The following FANCA variants were observed in gnomAD, a reference collection of about 807,000 sequenced individuals.
FANCA encodes the protein Fanconi anemia group A protein.
FANCA carries 236 observed loss-of-function variants against 194.3 expected under a neutral mutation model. The observed-to-expected ratio is 1.21, with a 90% CI of 1.09 to 1.35. FANCA has a LOEUF of 1.35. FANCA is among the 40% of genes most tolerant of loss of function. The pLI is 0.00. For synonymous variants in FANCA, 1,014 were observed against 715.8 expected, an observed-to-expected ratio of 1.42 and a Z score of -6.65; for missense variants, 2,628 against 1,813.9, an observed-to-expected ratio of 1.45 and a Z score of -8.15.
intron 35 of FANCA, 126 bp from the exon 36 acceptor site, chr16:89,745,197 GAACTCC>G: frequency 1.2e-6 from 1 of 859,046 alleles, no homozygotes; most frequent in Non-Finnish European, 1.9e-6. Flanking sequence ...CTGCGCTCTG[GAACTCC>G]AAAGCCAGTA....
chr16:89,813,032 CAAAA>C (rs34840110), intron 3 of FANCA, among the ~76,000 whole-genome samples: 2 of 127,062 alleles, frequency 1.6e-5, no homozygotes, highest in South Asian at 2.5e-4. Flanking sequence ...CACTTCGTCT[CAAAA>C]AAAAAAAAAA....
chr16:89,798,604 C>A (rs2040327923), intron 10 of FANCA: 1 of 1,153,896 alleles, frequency 8.7e-7, no homozygotes, highest in Non-Finnish European at 1.1e-6. Flanking sequence ...ACCCCGATGT[C>A]CACCTTCCAC....
intron 27 of FANCA, 47 bp from the exon 28 acceptor site, chr16:89,765,113 CTG>C (rs768435748): frequency 6.2e-7 from 1 of 1,602,994 alleles, no homozygotes; most frequent in Non-Finnish European, 8.5e-7. Context: ...GCAAGTTTCA[CTG>C]TGAGTGGCTG....
In FANCA at chr16:89,740,007, CT is replaced by C. The variant is rs1228394297; in HGVS notation, c.3920del (p.Gln1307ArgfsTer2). ...CGTGTTTCTTACCACTCTCTGTCAA[CT>C]GAAAGAGTGCCAGCCAGGATATCTT... ...KRKISWLALFQLTESDLRLGR... is the reference protein window; with the variant it reads ...KRKISWLALFXLTESDLRLGR... On this transcript the variant is annotated frameshift_variant, in exon 39 of 43. Coordinates refer to ENST00000389301, the MANE Select transcript of FANCA (RefSeq NM_000135.4). LOFTEE classifies it high-confidence loss of function. 6 of 1,614,190 alleles carry C rather than the reference CT, an allele frequency of 3.7e-6. No individual in the cohort carries two copies. Among genetic ancestry groups the C allele is most frequent in the Non-Finnish European group, 5.1e-6 (6 of 1,179,996 alleles).
intron 6 of FANCA, among the ~76,000 whole-genome samples, chr16:89,805,756 T>C (rs752757465): frequency 7.4e-6 from 1 of 135,366 alleles, no homozygotes; most frequent in Non-Finnish European, 1.5e-5. Context: ...CTAATTTCCC[T>C]TGTGACTTCT....
At chr16:89,766,821 T>C (rs1202491675) in intron 27 of FANCA, among the ~76,000 whole-genome samples, 1 of 152,346 alleles carries the variant, frequency 6.6e-6, no homozygotes, top group Admixed American at 6.5e-5. Flanking sequence ...TGAATACTGA[T>C]CTTTTAATTC....
chr16:89,782,523 A>T (rs1359480232), intron 17 of FANCA, among the ~76,000 whole-genome samples: 1 of 152,104 alleles, frequency 6.6e-6, no homozygotes, highest in Non-Finnish European at 1.5e-5. Flanking sequence ...AAAAAAAAAA[A>T]AAGTTAACAC....
chr16:89,777,459 C>CT (rs1246177930), intron 20 of FANCA, among the ~76,000 whole-genome samples: 1 of 151,922 alleles, frequency 6.6e-6, no homozygotes, highest in Non-Finnish European at 1.5e-5. Context: ...AGCATGGTGG[C>CT]TCACGCTTGT....
intron 28 of FANCA, chr16:89,762,490 A>G (rs989156811): frequency 4.4e-6 from 1 of 228,636 alleles, no homozygotes; most frequent in Non-Finnish European, 8.8e-6. Flanking sequence ...GCCTCTTGGG[A>G]GGCTGAGGCA....
chr16:89,764,973 G>A lies in FANCA; in HGVS notation c.2695C>T (p.Pro899Ser), dbSNP rs758331823. The change falls in exon 28 of 43, where the codon CCT (proline) becomes TCT (serine). Residue 899 changes from proline (P) to serine (S), a missense_variant. Transcript: ENST00000389301. ...ASLSWRPLHLPSADWQRAALS... is the reference protein window; with the variant it reads ...ASLSWRPLHLSSADWQRAALS... The stretch of plus-strand genomic sequence containing the variant: ...GCAGCTCTCTGCCAGTCTGCAGAAG[G>A]AAGGTGCAAGGGTCTCCAGGAAAGG... 3 of 1,614,150 alleles carry A rather than the reference G, an allele frequency of 1.9e-6. No homozygotes were observed. The East Asian group carries it at 6.7e-5, about 36-fold the overall frequency.
chr16:89,783,551 CA>C (rs769729527), intron 15 of FANCA, among the ~76,000 whole-genome samples: 4,261 of 128,180 alleles, frequency 0.033, 187 homozygotes, highest in African/African-American at 0.12. Flanking sequence ...ACTTCATTTC[CA>C]AAAAAAAAAA....
intron 10 of FANCA, among the ~76,000 whole-genome samples, chr16:89,796,354 G>A (rs1009384738): frequency 6.6e-6 from 1 of 152,158 alleles, no homozygotes; most frequent in Non-Finnish European, 1.5e-5. Flanking sequence ...GTGGAGCCCC[G>A]GGAGCCAACC....
intron 7 of FANCA, among the ~76,000 whole-genome samples, chr16:89,804,643 A>T (rs562460302): frequency 6.6e-6 from 1 of 151,918 alleles, no homozygotes; most frequent in Non-Finnish European, 1.5e-5. Context: ...CTACTCCTCA[A>T]ACTGGGTTGG....
Position 89,738,063 on chromosome 16 carries a change from T to C in FANCA, c.*538A>G, listed in dbSNP as rs746256702. The C allele has an allele frequency of 3.0e-5, 49 of 1,614,158 alleles. No individual in the cohort carries two copies. Among genetic ancestry groups the C allele is most frequent in the Non-Finnish European group, 3.7e-5 (44 of 1,180,046 alleles). ...ACAAGGCTGAGACTGAGCTGGACTT[T>C]GCCTGTGACCAGTGTGGCCGGCGGT... On this transcript the variant is annotated 3_prime_UTR_variant, in exon 43 of 43. Coordinates refer to ENST00000389301, the MANE Select transcript of FANCA (RefSeq NM_000135.4).
At chr16:89,762,569 G>GAA (rs59550802) in intron 28 of FANCA, 20,228 of 173,314 alleles carry the variant, frequency 0.12, 1,270 homozygotes, top group Non-Finnish European at 0.16. Flanking sequence ...CTATAAAAAG[G>GAA]AAAAAAAAAA....
intron 14 of FANCA, among the ~76,000 whole-genome samples, chr16:89,789,218 G>C (rs1227152055): frequency 6.6e-6 from 1 of 151,720 alleles, no homozygotes; most frequent in African/African-American, 2.4e-5. Context: ...GAAGTGAGTT[G>C]ACACTGACAC....
intron 29 of FANCA, among the ~76,000 whole-genome samples, chr16:89,760,009 C>T (rs952844094): frequency 6.6e-6 from 1 of 152,198 alleles, no homozygotes; most frequent in Non-Finnish European, 1.5e-5. Context: ...GCTCCACCCA[C>T]GCTGTCCGGA....
intron 6 of FANCA, among the ~76,000 whole-genome samples, chr16:89,807,716 C>G (rs2040712495): frequency 6.6e-6 from 1 of 151,984 alleles, no homozygotes. Flanking sequence ...AACCCAGTCT[C>G]TACTAAAAAT....
chr16:89,792,597 G>C (rs1323463133), intron 11 of FANCA, 50 bp from the exon 12 acceptor site: 1 of 1,536,178 alleles, frequency 6.5e-7, no homozygotes, highest in Non-Finnish European at 8.8e-7. Context: ...TCAAAAAGTT[G>C]TGGGTTTTTG....
Sources: allele counts gnomAD v4.1 joint callset (sites outside exome capture counted in the v4.1 genomes callset), GRCh38; gene constraint gnomAD v4.1.1; transcripts MANE v1.5; gene names NCBI Gene and HGNC (gene_info 2026-07-23, HGNC 2026-07-21).